The following SCAI variants were observed in gnomAD, a reference collection of about 807,000 sequenced individuals.
SCAI encodes suppressor of cancer cell invasion.
A neutral mutation model predicts 92.2 loss-of-function variants in SCAI; 24 were observed. The ratio of observed to expected loss-of-function variants is 0.26; its 90% confidence interval spans 0.19 to 0.37. The LOEUF is 0.37. Among genes scored for constraint, SCAI ranks in the 10% least tolerant of loss-of-function variants. SCAI has a pLI of 1.00. For synonymous variants in SCAI, 261 were observed against 258.6 expected (o/e 1.01, Z -0.09); for missense variants, 450 against 736.2 (o/e 0.61, Z 4.50).
At chr9:125,089,686 T>TG (rs11291685) in intron 2 of SCAI, among the ~76,000 whole-genome samples, 40 of 151,306 alleles carry the variant, frequency 2.6e-4, no homozygotes, top group South Asian at 6.3e-4. Context: ...GGTTTGGGGT[T>TG]GGGGGGGGCA....
rs1832815199 is a variant in SCAI, at chr9:125,018,904, T to C, written c.756A>G (p.Thr252=). Residue 252 remains threonine (T), a synonymous_variant, in exon 9 of 18, where the codon ACA becomes ACG. Coordinates refer to ENST00000336505, the MANE Select transcript of SCAI (RefSeq NM_001144877.3). ...CTCCTGTTTCAGCAAGGCGATTCGA[T>C]GTGATAACAATGGTATTATCATCAT... ...VLNDDNTIVI[T]SNRLAETGAP... 3 of 1,613,890 alleles carry C rather than the reference T, an allele frequency of 1.9e-6. No individual in the cohort carries two copies. The highest frequency in any genetic ancestry group is 1.1e-5 in the South Asian group (1 of 91,078).
At chr9:125,076,284 AG>A (rs1377027033) in intron 2 of SCAI, among the ~76,000 whole-genome samples, 1 of 151,786 alleles carries the variant, frequency 6.6e-6, no homozygotes, top group Non-Finnish European at 1.5e-5. Flanking sequence ...AGCTCACTTG[AG>A]GTCAGGAGTT....
intron 2 of SCAI, among the ~76,000 whole-genome samples, chr9:125,069,499 T>C (rs1194346123): frequency 6.6e-6 from 1 of 151,338 alleles, no homozygotes; most frequent in African/African-American, 2.4e-5. Flanking sequence ...TTTGTATTTT[T>C]AGTAGAGACG....
chr9:125,106,867 ATT>A (rs3051151), intron 2 of SCAI, among the ~76,000 whole-genome samples: 28,091 of 135,714 alleles, frequency 0.21, 2,928 homozygotes, highest in East Asian at 0.41. Context: ...TGCCTGGTTA[ATT>A]TTTTTTTTTT....
At chr9:124,955,948 C>G (rs1199912395) in intron 17 of SCAI, among the ~76,000 whole-genome samples, 1 of 152,044 alleles carries the variant, frequency 6.6e-6, no homozygotes, top group African/African-American at 2.4e-5. Context: ...ATTCCAGGCC[C>G]AGGTGGCTTC....
chr9:125,132,446 G>T (rs1224598151), intron 2 of SCAI, among the ~76,000 whole-genome samples: 1 of 152,038 alleles, frequency 6.6e-6, no homozygotes, highest in East Asian at 1.9e-4. Context: ...GGATCAATGA[G>T]CCAATGATCC....
At chr9:125,118,636 C>G (rs1377795511) in intron 2 of SCAI, among the ~76,000 whole-genome samples, 1 of 152,026 alleles carries the variant, frequency 6.6e-6, no homozygotes, top group African/African-American at 2.4e-5. Flanking sequence ...ACCTATCAAC[C>G]CGTCATTTAG....
At chr9:125,054,741 T>C (rs1833630527) in intron 3 of SCAI, among the ~76,000 whole-genome samples, 1 of 152,106 alleles carries the variant, frequency 6.6e-6, no homozygotes, top group Non-Finnish European at 1.5e-5. Flanking sequence ...CAGCATAAAA[T>C]AGGAAGCAGA....
At chr9:124,995,151 A>G (rs558513940) in intron 13 of SCAI, 136 bp from the exon 14 acceptor site, 11 of 581,158 alleles carry the variant, frequency 1.9e-5, no homozygotes, top group African/African-American at 9.5e-5. Flanking sequence ...AGCAAAGGGG[A>G]AAAAAAGCCT....
In SCAI at chr9:125,006,738, C is replaced by T. The variant is rs528506680; in HGVS notation, c.862-3168G>A. Among the ~76,000 whole-genome samples, 8 of 152,298 alleles carry T rather than the reference C, an allele frequency of 5.3e-5. No homozygotes were observed. The South Asian group carries it at 1.0e-3, about 20-fold the overall frequency. On this transcript the variant is annotated intron_variant, in intron 9 of 17. Coordinates refer to ENST00000336505, the MANE Select transcript of SCAI (RefSeq NM_001144877.3). Reference sequence around the variant, plus strand: ...AACTCCTGACCTCGTAATCTGCCCGCCTCGGCCTCCCACAGTGTGGGGATT... The same window carrying T: ...AACTCCTGACCTCGTAATCTGCCCGTCTCGGCCTCCCACAGTGTGGGGATT...
Position 125,143,449 on chromosome 9 carries a change from T to C in SCAI, c.-12A>G. Reference sequence around the variant, plus strand: ...GCTCCTCTGACCATCCGGCTCCTGCTCCGCCGCGGGAGCTGCTCCGGCGGC... The same window carrying C: ...GCTCCTCTGACCATCCGGCTCCTGCCCCGCCGCGGGAGCTGCTCCGGCGGC... On this transcript the variant is annotated 5_prime_UTR_variant, in exon 1 of 18. Transcript: ENST00000336505. The C allele has an allele frequency of 7.4e-7, 1 of 1,355,980 alleles. No individual in the cohort carries two copies. Among genetic ancestry groups the C allele is most frequent in the Non-Finnish European group, 9.5e-7 (1 of 1,051,566 alleles). The allele number at this position is 1,355,980 out of a possible 1,614,324, so 84.0% of individuals were successfully genotyped here.
chr9:125,143,499 G>C lies in SCAI; in HGVS notation c.-62C>G. 7.7e-7 allele frequency: 1 copy of C among 1,290,578 alleles called. No individual in the cohort carries two copies. The highest frequency in any genetic ancestry group is 2.1e-5 in the South Asian group (1 of 47,924). The allele number at this position is 1,290,578 out of a possible 1,614,324, so 79.9% of individuals were successfully genotyped here. A position where few individuals can be genotyped will look rare whatever the true frequency, so the allele number is the denominator to read the frequency against. On this transcript the variant is annotated 5_prime_UTR_variant, in exon 1 of 18. Transcript: ENST00000336505. ...CCGCAGGGCTCGCTCGGGAAGCTGA[G>C]GCGGCGGAGGCTGGAGTAGGCGGAG...
intron 2 of SCAI, among the ~76,000 whole-genome samples, chr9:125,071,187 C>T (rs569029715): frequency 5.9e-4 from 89 of 152,072 alleles, no homozygotes; most frequent in African/African-American, 2.1e-3. Context: ...CTTAATTAGC[C>T]GTGTGAAAAT....
chr9:125,080,601 AC>A, intron 2 of SCAI, among the ~76,000 whole-genome samples: 1 of 152,302 alleles, frequency 6.6e-6, no homozygotes, highest in Non-Finnish European at 1.5e-5. Context: ...TAGCTATTTT[AC>A]TTTGGGCATG....
chr9:125,010,700 T>C (rs957948145), intron 9 of SCAI, among the ~76,000 whole-genome samples: 2 of 152,180 alleles, frequency 1.3e-5, no homozygotes, highest in African/African-American at 4.8e-5. Context: ...AGCACGCAGC[T>C]TGAGATCTGA....
chr9:125,057,069 C>T (rs1833683606), intron 2 of SCAI, among the ~76,000 whole-genome samples: 1 of 152,124 alleles, frequency 6.6e-6, no homozygotes, highest in Non-Finnish European at 1.5e-5. Flanking sequence ...TTTGTGTTTA[C>T]ACACAGACAG....
At chr9:125,127,692 G>A (rs756822080) in intron 2 of SCAI, among the ~76,000 whole-genome samples, 7 of 152,156 alleles carry the variant, frequency 4.6e-5, no homozygotes, top group Non-Finnish European at 1.0e-4. Flanking sequence ...TTCAAAGAAA[G>A]TTCCAAACAA....
chr9:124,978,702 C>T (rs910172879), intron 14 of SCAI, among the ~76,000 whole-genome samples: 1 of 152,000 alleles, frequency 6.6e-6, no homozygotes, highest in Non-Finnish European at 1.5e-5. Context: ...TTCCTTGAAG[C>T]CTTGTTAGTG....
intron 2 of SCAI, among the ~76,000 whole-genome samples, chr9:125,120,585 C>T (rs778785059): frequency 5.1e-4 from 78 of 152,178 alleles, no homozygotes; most frequent in Middle Eastern, 3.4e-3. Flanking sequence ...CCCAGCTACT[C>T]GGGAGGCTGA....
Sources: gnomAD v4.1 joint callset for allele counts (sites outside exome capture counted in the v4.1 genomes callset) on GRCh38, gnomAD v4.1.1 for gene constraint, MANE v1.5 for transcripts, NCBI Gene and HGNC (gene_info 2026-07-23, HGNC 2026-07-21) for gene names.